The following CHN1 variants were observed in gnomAD, a reference collection of about 807,000 sequenced individuals.
CHN1 encodes chimerin 1, also known as N-chimaerin.
CHN1 carries 37 observed loss-of-function variants against 59.5 expected under a neutral mutation model. That is an observed-to-expected ratio of 0.62 (90% CI 0.48 to 0.82). The LOEUF (loss-of-function observed/expected upper bound fraction) is 0.82, where lower values mean the gene tolerates loss of function less well. Ranked by LOEUF, CHN1 falls within the 40% of genes least tolerant of loss-of-function variation. The probability of loss-of-function intolerance (pLI) is 0.00; values close to 1 mark genes in which losing one functional copy is unlikely to be tolerated. For missense variants in CHN1, 469 were observed against 571.0 expected, an observed-to-expected ratio of 0.82 and a Z score of 1.82; for synonymous variants, 206 against 200.4, an observed-to-expected ratio of 1.03 and a Z score of -0.24.
chr2:174,879,069 C>T (rs946659203), intron 5 of CHN1, among the ~76,000 whole-genome samples: 6 of 152,062 alleles, frequency 3.9e-5, no homozygotes, highest in Non-Finnish European at 7.4e-5. Context: ...GAAGGTAACC[C>T]CGAGTGAGAC....
At chr2:174,984,261 CT>C (rs1216942547) in intron 1 of CHN1, among the ~76,000 whole-genome samples, 1 of 151,514 alleles carries the variant, frequency 6.6e-6, no homozygotes, top group Non-Finnish European at 1.5e-5. Context: ...ACATATAATA[CT>C]CTCTGATCCA....
chr2:174,904,929 G>T lies in CHN1; in HGVS notation c.260+10129C>A, dbSNP rs559636474. Among the ~76,000 whole-genome samples the T allele has an allele frequency of 1.9e-3, 291 of 152,158 alleles. 1 individual carries two copies. The highest frequency in any genetic ancestry group is 6.6e-3 in the African/African-American group (275 of 41,514). Reference sequence around the variant, plus strand: ...GAGTGTCTGATACATTGAAGTCCTTGAGCCAGTCACACTGGGCCATGATCA... The same window carrying T: ...GAGTGTCTGATACATTGAAGTCCTTTAGCCAGTCACACTGGGCCATGATCA... On this transcript the variant is annotated intron_variant, in intron 5 of 12. Transcript: ENST00000409900.
chr2:174,939,116 G>A (rs7557515), intron 3 of CHN1, among the ~76,000 whole-genome samples: 6,403 of 152,054 alleles, frequency 0.042, 477 homozygotes, highest in African/African-American at 0.15. Flanking sequence ...GTTCCTCAGG[G>A]GATGGCAGCA....
chr2:174,935,797 G>A (rs1689480129), intron 3 of CHN1, among the ~76,000 whole-genome samples: 1 of 152,004 alleles, frequency 6.6e-6, no homozygotes, highest in South Asian at 2.1e-4. Flanking sequence ...GCCAGGCACG[G>A]CGGTGCACAC....
intron 1 of CHN1, among the ~76,000 whole-genome samples, chr2:174,954,509 C>G (rs1690125314): frequency 6.6e-6 from 1 of 152,196 alleles, no homozygotes; most frequent in East Asian, 1.9e-4. Flanking sequence ...AAACAGACAA[C>G]CCACAGAATA....
At chr2:174,949,309 C>T (rs763361737) in intron 2 of CHN1, among the ~76,000 whole-genome samples, 4 of 152,058 alleles carry the variant, frequency 2.6e-5, no homozygotes, top group Non-Finnish European at 5.9e-5. Context: ...AAAAAGTCAT[C>T]GTTAGAATGC....
At chr2:174,973,357 A>G (rs1381037843) in intron 1 of CHN1, among the ~76,000 whole-genome samples, 1 of 152,200 alleles carries the variant, frequency 6.6e-6, no homozygotes, top group East Asian at 1.9e-4. Flanking sequence ...CTTCCTGATG[A>G]TATCAGTAGA....
At chr2:175,002,268 T>C (rs1691916873) in intron 1 of CHN1, among the ~76,000 whole-genome samples, 1 of 152,234 alleles carries the variant, frequency 6.6e-6, no homozygotes, top group African/African-American at 2.4e-5. Flanking sequence ...CTTTCAAAAA[T>C]GCACATTTTC....
intron 6 of CHN1, among the ~76,000 whole-genome samples, chr2:174,876,147 A>G (rs768195400): frequency 2.0e-5 from 3 of 152,170 alleles, no homozygotes; most frequent in Non-Finnish European, 4.4e-5. Flanking sequence ...TCAGCTTACT[A>G]TCTCTGTGAA....
At chr2:174,820,670 C>T (rs1685455565) in intron 8 of CHN1, among the ~76,000 whole-genome samples, 1 of 152,210 alleles carries the variant, frequency 6.6e-6, no homozygotes. Context: ...AGGATGGTCC[C>T]TGCTGCTCCC....
intron 1 of CHN1, among the ~76,000 whole-genome samples, chr2:174,992,743 T>G (rs1452107671): frequency 6.6e-6 from 1 of 152,034 alleles, no homozygotes. Flanking sequence ...ATAGCCCAGT[T>G]TTACCAAGAA....
At chr2:174,815,247 T>TG (rs1272116409) in intron 8 of CHN1, among the ~76,000 whole-genome samples, 1 of 152,094 alleles carries the variant, frequency 6.6e-6, no homozygotes, top group African/African-American at 2.4e-5. Flanking sequence ...TGTGGTGGTG[T>TG]GCGCCTGTAG....
At chr2:174,920,246 G>A (rs1046978653) in intron 3 of CHN1, among the ~76,000 whole-genome samples, 5 of 152,036 alleles carry the variant, frequency 3.3e-5, no homozygotes, top group Non-Finnish European at 7.4e-5. Context: ...GAACACTTAG[G>A]TTGGTTCCAT....
intron 6 of CHN1, among the ~76,000 whole-genome samples, chr2:174,867,394 T>C (rs1390755012): frequency 6.6e-6 from 1 of 151,078 alleles, no homozygotes; most frequent in Non-Finnish European, 1.5e-5. Flanking sequence ...AAAAAAAAGA[T>C]TACTTCAGGA....
At chr2:174,932,113 TC>T (rs1689366807) in intron 3 of CHN1, among the ~76,000 whole-genome samples, 1 of 152,174 alleles carries the variant, frequency 6.6e-6, no homozygotes, top group South Asian at 2.1e-4. Context: ...AGGGGAAAGA[TC>T]AGTTAAGAAC....
At chr2:174,822,961 G>A (rs1685551026) in intron 8 of CHN1, among the ~76,000 whole-genome samples, 1 of 152,176 alleles carries the variant, frequency 6.6e-6, no homozygotes, top group Non-Finnish European at 1.5e-5. Context: ...GGTGATATAT[G>A]CCTGGAACCT....
At chr2:174,865,787 T>C (rs1316592414) in intron 6 of CHN1, among the ~76,000 whole-genome samples, 1 of 152,220 alleles carries the variant, frequency 6.6e-6, no homozygotes, top group Non-Finnish European at 1.5e-5. Context: ...CAGCCTATTC[T>C]ACCTCTTGGA....
chr2:174,821,916 G>T (rs574716840), intron 8 of CHN1: 3 of 264,998 alleles, frequency 1.1e-5, no homozygotes, highest in South Asian at 9.4e-5. Flanking sequence ...AAGGAACAAG[G>T]AATGTTGTTC....
chr2:174,846,232 C>A (rs1418175498), intron 7 of CHN1: 3 of 1,479,884 alleles, frequency 2.0e-6, no homozygotes, highest in Non-Finnish European at 2.7e-6. Context: ...CTTGAATCAA[C>A]ACACATATCA....
Sources: allele counts gnomAD v4.1 joint callset (sites outside exome capture counted in the v4.1 genomes callset), GRCh38; gene constraint gnomAD v4.1.1; transcripts MANE v1.5; gene names NCBI Gene and HGNC (gene_info 2026-07-23, HGNC 2026-07-21).